PATL2: variants seen among roughly 807,000 people sequenced by gnomAD.
PATL2 encodes the protein protein PAT1 homolog 2.
A neutral mutation model predicts 77.0 loss-of-function variants in PATL2; 73 were observed. That is an observed-to-expected ratio of 0.95 (90% CI 0.78 to 1.15). PATL2 has a LOEUF of 1.15. Among genes scored for constraint, PATL2 ranks in the 50% most tolerant of loss-of-function variants. The pLI, the probability that PATL2 is intolerant of heterozygous loss-of-function variation, is 0.00. For synonymous variants in PATL2, 265 were observed against 257.1 expected (o/e 1.03, Z -0.29); for missense variants, 618 against 655.4 (o/e 0.94, Z 0.62).
intron 3 of PATL2, among the ~76,000 whole-genome samples, chr15:44,678,210 C>T (rs988122307): frequency 7.2e-5 from 11 of 152,116 alleles, no homozygotes; most frequent in Admixed American, 1.3e-4. Flanking sequence ...TTCCTAATAA[C>T]GTACTTTAGC....
intron 5 of PATL2, chr15:44,674,965 T>C (rs1329945576): frequency 6.5e-6 from 1 of 153,408 alleles, no homozygotes; most frequent in Non-Finnish European, 1.5e-5. Context: ...ATGTGGTCTC[T>C]CTTAAAATAC....
intron 3 of PATL2, among the ~76,000 whole-genome samples, chr15:44,679,507 C>T (rs138137295): frequency 0.016 from 2,413 of 148,408 alleles, 168 homozygotes; most frequent in Admixed American, 0.12. Flanking sequence ...GGATTACAGG[C>T]GTGAGCCACC....
intron 3 of PATL2, among the ~76,000 whole-genome samples, chr15:44,699,111 A>G (rs996496236): frequency 6.6e-6 from 1 of 152,108 alleles, no homozygotes; most frequent in African/African-American, 2.4e-5. Flanking sequence ...TTTTTCCTAT[A>G]GAGTTGTTTG....
In PATL2 at chr15:44,666,387, C is replaced by A. The variant is rs768830712; in HGVS notation, c.1613+5G>T. The A allele has an allele frequency of 6.4e-7, 1 of 1,551,682 alleles. No homozygotes were observed. The highest frequency in any genetic ancestry group is 1.2e-5 in the South Asian group (1 of 84,060). On this transcript the variant is annotated splice_donor_5th_base_variant and intron_variant, in intron 17 of 17. Transcript: ENST00000682850. ...GGCTTTGACCTTGTTTCTGCCATTA[C>A]TTACTCCATCCTGGCCTCCAGCTGC...
intron 3 of PATL2, among the ~76,000 whole-genome samples, chr15:44,691,012 C>T (rs555896421): frequency 6.6e-6 from 1 of 151,386 alleles, no homozygotes; most frequent in African/African-American, 2.4e-5. Context: ...AAAAACTGTC[C>T]TAATTTAAAT....
At chr15:44,691,712 G>A (rs553984098) in intron 3 of PATL2, among the ~76,000 whole-genome samples, 7 of 151,604 alleles carry the variant, frequency 4.6e-5, no homozygotes, top group Admixed American at 2.6e-4. Flanking sequence ...AGTAAACCTG[G>A]GCACGGTGGC....
chr15:44,676,315 A>G lies in PATL2; in HGVS notation c.16+160T>C, dbSNP rs2085951655. On this transcript the variant is annotated intron_variant, in intron 4 of 17. Coordinates refer to ENST00000682850, the MANE Select transcript of PATL2 (RefSeq NM_001387263.1). ...GGTTGGTGAGAAAAATAAAGCCCAG[A>G]AGAGTGACCTTTCAGTCACCCATTA... 5 of 703,622 alleles carry G rather than the reference A, an allele frequency of 7.1e-6. No individual in the cohort carries two copies. The East Asian group carries it at 1.4e-4, about 20-fold the overall frequency. 43.6% of individuals were successfully genotyped at this position (703,622 alleles called of 1,614,324 possible). A position where few individuals can be genotyped will look rare whatever the true frequency, so the allele number is the denominator to read the frequency against.
chr15:44,679,784 AT>A lies in PATL2; in HGVS notation c.-75-3220del, dbSNP rs1272934601. 2.0e-5 allele frequency among the ~76,000 whole-genome samples: 3 copies of A among 152,258 alleles called. No individual in the cohort carries two copies. The East Asian group carries it at 5.8e-4, about 29-fold the overall frequency. On this transcript the variant is annotated intron_variant, in intron 3 of 17. Transcript: ENST00000682850. ...ATTTTATTAGTCTTTTTAAAGAACC[AT>A]GTATGTCAGGTTTCCTTCAGGAAAT...
chr15:44,689,426 G>A (rs2086334827), intron 3 of PATL2, among the ~76,000 whole-genome samples: 2 of 152,160 alleles, frequency 1.3e-5, no homozygotes, highest in South Asian at 4.1e-4. Flanking sequence ...GTTTACTGCA[G>A]CACCGTTCAC....
intron 15 of PATL2, among the ~76,000 whole-genome samples, chr15:44,667,655 C>G (rs1482059390): frequency 1.3e-5 from 2 of 152,114 alleles, no homozygotes; most frequent in Non-Finnish European, 2.9e-5. Flanking sequence ...TTATTATATA[C>G]CTATTGGCTG....
intron 16 of PATL2, chr15:44,666,840 A>G: frequency 1.9e-6 from 1 of 520,958 alleles, no homozygotes; most frequent in Non-Finnish European, 3.4e-6. Context: ...TTATATTGCT[A>G]GTAAGTGATA....
chr15:44,676,836 G>A lies in PATL2; in HGVS notation c.-75-271C>T, dbSNP rs144250190. On this transcript the variant is annotated intron_variant, in intron 3 of 17. Coordinates refer to ENST00000682850, the MANE Select transcript of PATL2 (RefSeq NM_001387263.1). ...ACCGACATCACCAGTCACCGTCCGA[G>A]TGTGGTGATGCCTTGCTGCCGACAC... is the stretch of plus-strand genomic sequence containing the variant. 6.4e-3 allele frequency: 7,230 copies of A among 1,122,522 alleles called. 30 individuals are homozygous for A. The highest frequency in any genetic ancestry group is 7.5e-3 in the Non-Finnish European group (6,859 of 909,038). 69.5% of individuals were successfully genotyped at this position (1,122,522 alleles called of 1,614,324 possible). A position where few individuals can be genotyped will look rare whatever the true frequency, so the allele number is the denominator to read the frequency against.
At chr15:44,666,320 T>C in intron 17 of PATL2, 72 bp downstream of exon 17, 1 of 1,510,022 alleles carries the variant, frequency 6.6e-7, no homozygotes, top group Non-Finnish European at 9.0e-7. Context: ...AAGAAGGAAG[T>C]AGTGAAGCAA....
At chr15:44,695,964 A>T (rs1299507877) in intron 3 of PATL2, among the ~76,000 whole-genome samples, 1 of 152,234 alleles carries the variant, frequency 6.6e-6, no homozygotes, top group African/African-American at 2.4e-5. Context: ...GGGGGCAGCC[A>T]GAAAGGACCC....
chr15:44,696,017 A>G (rs993598557), intron 3 of PATL2, among the ~76,000 whole-genome samples: 1 of 152,240 alleles, frequency 6.6e-6, no homozygotes, highest in East Asian at 1.9e-4. Flanking sequence ...CACAAGCTGG[A>G]AAGTGGGAAG....
chr15:44,678,338 G>T (rs566190375), intron 3 of PATL2, among the ~76,000 whole-genome samples: 8 of 152,264 alleles, frequency 5.3e-5, no homozygotes, highest in African/African-American at 1.7e-4. Flanking sequence ...ATTCTGAAGG[G>T]ACTTCTGGTA....
At position 44,675,553 on chromosome 15, in the gene PATL2, G is replaced by C; in HGVS notation, c.155C>G (p.Pro52Arg). 1 of 1,551,574 alleles carries C rather than the reference G, an allele frequency of 6.4e-7. No individual in the cohort carries two copies. The highest frequency in any genetic ancestry group is 1.2e-5 in the South Asian group (1 of 84,046). Residue 52 changes from proline to arginine, a missense_variant, in exon 5 of 18, where the codon CCA becomes CGA. Physicochemically the swap from Pro to Arg is moderately radical, Grantham distance 103. Coordinates refer to ENST00000682850, the MANE Select transcript of PATL2 (RefSeq NM_001387263.1). ...ATCATTCTCTTCCTCCTCTAGGTCT[G>C]GGTCCAGATCTGGGTCCAGATCCTC... Reference protein sequence around the residue: ...DEEDLDPDLDPDLEEEENDLG... With the variant: ...DEEDLDPDLDRDLEEEENDLG...
In PATL2 at chr15:44,676,516, T is replaced by C. The variant is rs947351071; in HGVS notation, c.-26A>G. ...CTTGGCAGGCTGGTGGACTTCCTTC[T>C]TAGCCGTGTCCTCCAGTGAAACAGC... is the stretch of plus-strand genomic sequence containing the variant. On this transcript the variant is annotated 5_prime_UTR_variant, in exon 4 of 18. Transcript: ENST00000682850. The C allele has an allele frequency of 1.3e-6, 2 of 1,551,466 alleles. No individual in the cohort carries two copies. The highest frequency in any genetic ancestry group is 1.7e-6 in the Non-Finnish European group (2 of 1,146,836).
At chr15:44,681,534 G>T (rs186109099) in intron 3 of PATL2, among the ~76,000 whole-genome samples, 4 of 151,806 alleles carry the variant, frequency 2.6e-5, no homozygotes, top group Non-Finnish European at 5.9e-5. Flanking sequence ...TTGAATATCC[G>T]CTTCCTCAGG....
Sources: gnomAD v4.1 joint callset for allele counts (sites outside exome capture counted in the v4.1 genomes callset) on GRCh38, gnomAD v4.1.1 for gene constraint, MANE v1.5 for transcripts, NCBI Gene and HGNC (gene_info 2026-07-23, HGNC 2026-07-21) for gene names.